The following LRRC7 variants were observed in gnomAD, a reference collection of about 807,000 sequenced individuals.
The protein encoded by LRRC7 is leucine-rich repeat-containing protein 7.
A neutral mutation model predicts 175.7 loss-of-function variants in LRRC7; 23 were observed. The observed-to-expected ratio is 0.13, with a 90% confidence interval of 0.09 to 0.19. LRRC7 has a LOEUF of 0.19. Ranked by LOEUF, LRRC7 falls within the 10% of genes least tolerant of loss-of-function variation. LRRC7 has a pLI of 1.00. For missense variants in LRRC7, 1,354 were observed against 1,904.7 expected (o/e 0.71, Z 5.38); for synonymous variants, 685 against 680.9 (o/e 1.01, Z -0.09).
At chr1:69,853,672 T>C (rs1218642230) in intron 7 of LRRC7, among the ~76,000 whole-genome samples, 2 of 152,158 alleles carry the variant, frequency 1.3e-5, no homozygotes, top group Non-Finnish European at 2.9e-5. Flanking sequence ...TGAAAGAGTC[T>C]AATGCAAGAT....
intron 3 of LRRC7, among the ~76,000 whole-genome samples, chr1:69,784,710 C>T (rs1392045757): frequency 6.6e-6 from 1 of 152,186 alleles, no homozygotes; most frequent in East Asian, 1.9e-4. Context: ...TTTAAGGCTA[C>T]ACATTTACTA....
At chr1:69,888,039 T>C (rs375775290) in intron 7 of LRRC7, among the ~76,000 whole-genome samples, 3,944 of 100,020 alleles carry the variant, frequency 0.039, 206 homozygotes, top group Middle Eastern at 0.076. Flanking sequence ...GACAGGGACA[T>C]TTAAGTCTGC....
At chr1:69,814,397 A>G (rs1192699086) in intron 4 of LRRC7, among the ~76,000 whole-genome samples, 1 of 152,122 alleles carries the variant, frequency 6.6e-6, no homozygotes, top group Non-Finnish European at 1.5e-5. Context: ...GTTACCTTAT[A>G]CTTATTAATT....
rs557694491 is a variant in LRRC7 at position 69,749,627 on chromosome 1, C to CAAAT, written c.101-10561_101-10560insTAAA. ...AAGATTTACAAATTATAATTACAAA[C>CAAAT]AAAAATCATTCAACATTATTTTTTA... On this transcript the variant is annotated intron_variant, in intron 2 of 26. Transcript: ENST00000651989. Among the ~76,000 whole-genome samples the CAAAT allele has an allele frequency of 3.3e-5, 5 of 152,056 alleles. No individual in the cohort carries two copies. The South Asian group carries it at 6.2e-4, about 19-fold the overall frequency.
intron 4 of LRRC7, among the ~76,000 whole-genome samples, chr1:69,823,667 A>G (rs1297456037): frequency 6.6e-6 from 1 of 152,152 alleles, no homozygotes; most frequent in African/African-American, 2.4e-5. Context: ...GATAAATTTT[A>G]TACGTTTATA....
At chr1:69,687,351 T>C (rs1363727790) in intron 2 of LRRC7, among the ~76,000 whole-genome samples, 1 of 151,186 alleles carries the variant, frequency 6.6e-6, no homozygotes, top group East Asian at 1.9e-4. Context: ...TCTACAAAAA[T>C]ACAAAAAAAT....
At chr1:69,949,710 T>C (rs1649720297) in intron 8 of LRRC7, among the ~76,000 whole-genome samples, 8 of 152,186 alleles carry the variant, frequency 5.3e-5, no homozygotes, top group African/African-American at 2.4e-5. Context: ...TATATATACA[T>C]GCATATACTT....
chr1:69,867,387 A>G (rs1219547574), intron 7 of LRRC7, among the ~76,000 whole-genome samples: 1 of 152,206 alleles, frequency 6.6e-6, no homozygotes, highest in Non-Finnish European at 1.5e-5. Context: ...GAAAGACTGA[A>G]TAACATTATA....
intron 22 of LRRC7, among the ~76,000 whole-genome samples, chr1:70,049,819 G>A (rs1660616710): frequency 6.6e-6 from 1 of 151,932 alleles, no homozygotes; most frequent in South Asian, 2.1e-4. Flanking sequence ...TAATTTCACT[G>A]GAAAAACTTT....
At chr1:70,074,424 T>C (rs1299437656) in intron 23 of LRRC7, among the ~76,000 whole-genome samples, 4 of 152,222 alleles carry the variant, frequency 2.6e-5, no homozygotes, top group South Asian at 2.1e-4. Context: ...ATATCTTCTT[T>C]CATTAAGATT....
chr1:69,612,994 C>T (rs943209245), intron 1 of LRRC7, among the ~76,000 whole-genome samples: 1 of 152,042 alleles, frequency 6.6e-6, no homozygotes, highest in Non-Finnish European at 1.5e-5. Context: ...TTTTCTCACT[C>T]CTTCACTTTT....
At chr1:69,776,183 C>T (rs1179652359) in intron 3 of LRRC7, among the ~76,000 whole-genome samples, 2 of 152,110 alleles carry the variant, frequency 1.3e-5, no homozygotes, top group African/African-American at 4.8e-5. Context: ...GATTGTCTTA[C>T]TCCTATCTTA....
At chr1:69,968,036 G>T (rs1453166984) in intron 8 of LRRC7, among the ~76,000 whole-genome samples, 2 of 152,044 alleles carry the variant, frequency 1.3e-5, no homozygotes, top group African/African-American at 4.8e-5. Flanking sequence ...GAAGCCCAAT[G>T]TAAGGAAATC....
intron 3 of LRRC7, among the ~76,000 whole-genome samples, chr1:69,762,340 G>A (rs759086633): frequency 2.6e-5 from 4 of 151,944 alleles, no homozygotes; most frequent in Non-Finnish European, 4.4e-5. Context: ...CTGCCCTTCC[G>A]GATCTGACAA....
intron 8 of LRRC7, among the ~76,000 whole-genome samples, chr1:69,953,222 C>T (rs1478527880): frequency 6.6e-6 from 1 of 151,892 alleles, no homozygotes; most frequent in Admixed American, 6.6e-5. Context: ...TGCTTCCTAC[C>T]TCTGTGTTCT....
intron 18 of LRRC7, among the ~76,000 whole-genome samples, chr1:70,033,469 T>A (rs901020478): frequency 1.3e-5 from 2 of 152,164 alleles, no homozygotes; most frequent in Non-Finnish European, 2.9e-5. Context: ...ATCATCATCA[T>A]CATCACTTCG....
At chr1:69,964,444 G>A (rs1246373958) in intron 8 of LRRC7, among the ~76,000 whole-genome samples, 1 of 152,144 alleles carries the variant, frequency 6.6e-6, no homozygotes, top group Non-Finnish European at 1.5e-5. Flanking sequence ...TATGCATACT[G>A]CCTGTCCAGG....
At chr1:69,692,022 T>C (rs1036441673) in intron 2 of LRRC7, among the ~76,000 whole-genome samples, 7 of 152,126 alleles carry the variant, frequency 4.6e-5, no homozygotes, top group Admixed American at 3.3e-4. Flanking sequence ...AAAGGCTAGA[T>C]TGGAGAACAC....
intron 3 of LRRC7, among the ~76,000 whole-genome samples, chr1:69,784,285 A>G (rs995758164): frequency 2.0e-5 from 3 of 152,194 alleles, no homozygotes; most frequent in Non-Finnish European, 2.9e-5. Context: ...GTTGCCTCTC[A>G]GTGGTGGTGG....
Sources: gnomAD v4.1 joint callset for allele counts (sites outside exome capture counted in the v4.1 genomes callset) on GRCh38, gnomAD v4.1.1 for gene constraint, MANE v1.5 for transcripts, NCBI Gene and HGNC (gene_info 2026-07-23, HGNC 2026-07-21) for gene names.